The following ARMC1 variants were observed in gnomAD, a reference collection of about 807,000 sequenced individuals.
ARMC1 encodes the protein armadillo repeat-containing protein 1.
Under a neutral mutation model 31.4 loss-of-function variants are expected in ARMC1, and 16 were observed. The observed-to-expected ratio is 0.51, with a 90% CI of 0.34 to 0.77. The LOEUF (loss-of-function observed/expected upper bound fraction) is 0.77, where lower values mean the gene tolerates loss of function less well. Ranked by LOEUF, ARMC1 falls within the 30% of genes least tolerant of loss-of-function variation. The probability of loss-of-function intolerance (pLI) is 0.01; values close to 1 mark genes in which losing one functional copy is unlikely to be tolerated. For missense variants in ARMC1, 259 were observed against 347.5 expected (o/e 0.75, Z 2.02); for synonymous variants, 114 against 118.9 (o/e 0.96, Z 0.27).
intron 2 of ARMC1, among the ~76,000 whole-genome samples, chr8:65,624,178 G>C (rs1482948456): frequency 6.6e-6 from 1 of 151,962 alleles, no homozygotes; most frequent in African/African-American, 2.4e-5. Context: ...AAGAACACCA[G>C]AAATGTAAAA....
chr8:65,615,067 T>C (rs892565055), intron 3 of ARMC1, among the ~76,000 whole-genome samples: 6 of 152,204 alleles, frequency 3.9e-5, no homozygotes, highest in African/African-American at 1.2e-4. Flanking sequence ...TACTTCAATT[T>C]CTGATACTCA....
Position 65,610,708 on chromosome 8 carries a change from T to A in ARMC1, c.465+2536A>T, listed in dbSNP as rs994458403. On this transcript the variant is annotated intron_variant, in intron 4 of 6. Coordinates refer to ENST00000276569, the MANE Select transcript of ARMC1 (RefSeq NM_018120.6). ...AAAACCCCGTCTCAAAAAAAAAAAA[T>A]TTAAAAACCAATGATTTCCAGACAC... is the stretch of plus-strand genomic sequence containing the variant. Among the ~76,000 whole-genome samples the A allele has an allele frequency of 6.6e-5, 10 of 151,754 alleles. No homozygotes were observed. In the South Asian group the frequency reaches 8.3e-4, roughly 13 times the overall value.
intron 3 of ARMC1, among the ~76,000 whole-genome samples, chr8:65,619,645 G>A (rs1355018738): frequency 6.6e-6 from 1 of 151,932 alleles, no homozygotes; most frequent in Non-Finnish European, 1.5e-5. Context: ...CCAGGAGTTC[G>A]AAACCAGTCT....
At chr8:65,631,291 G>A (rs190405996) in intron 1 of ARMC1, among the ~76,000 whole-genome samples, 7 of 152,292 alleles carry the variant, frequency 4.6e-5, no homozygotes, top group East Asian at 1.9e-4. Context: ...CTGGAGTGGC[G>A]TGGTACGATT....
intron 4 of ARMC1, among the ~76,000 whole-genome samples, chr8:65,609,820 T>C (rs1407100187): frequency 1.5e-5 from 2 of 131,234 alleles, no homozygotes; most frequent in Admixed American, 1.8e-4. Flanking sequence ...ATCACGACAC[T>C]GCACTCCAGC....
intron 1 of ARMC1, among the ~76,000 whole-genome samples, chr8:65,632,040 C>T (rs1808656300): frequency 6.6e-6 from 1 of 152,174 alleles, no homozygotes; most frequent in Non-Finnish European, 1.5e-5. Flanking sequence ...CTCTGTTGCC[C>T]AGGCTGGATG....
chr8:65,631,901 G>C (rs1808652682), intron 1 of ARMC1, among the ~76,000 whole-genome samples: 1 of 138,070 alleles, frequency 7.2e-6, no homozygotes, highest in Non-Finnish European at 1.5e-5. Context: ...AAAAAAAAAA[G>C]TCTATCTTCA....
chr8:65,611,363 T>C (rs1808136745), intron 4 of ARMC1, among the ~76,000 whole-genome samples: 1 of 152,204 alleles, frequency 6.6e-6, no homozygotes, highest in Admixed American at 6.5e-5. Context: ...TTAACAATCA[T>C]GTCAAACACC....
intron 3 of ARMC1, among the ~76,000 whole-genome samples, chr8:65,621,909 C>G (rs1487655299): frequency 6.6e-6 from 1 of 152,010 alleles, no homozygotes; most frequent in Non-Finnish European, 1.5e-5. Context: ...TACTTCTTGA[C>G]TAATTTGTAA....
rs924153331 is a variant in ARMC1, at chr8:65,634,092, G to C, written c.-130C>G. The C allele has an allele frequency of 6.6e-6, 1 of 152,408 alleles. No homozygotes were observed. The highest frequency in any genetic ancestry group is 1.5e-5 in the Non-Finnish European group (1 of 68,166). The allele number at this position is 152,408 out of a possible 1,614,324, so 9.4% of individuals were successfully genotyped here. A position where few individuals can be genotyped will look rare whatever the true frequency, so the allele number is the denominator to read the frequency against. On this transcript the variant is annotated 5_prime_UTR_variant, in exon 1 of 7. Coordinates refer to ENST00000276569, the MANE Select transcript of ARMC1 (RefSeq NM_018120.6). ...CCAGGCGGCGCGGAGCGAGCCCTTC[G>C]GTTCGCAGCCCCGGCCGCGGCGATC...
chr8:65,603,829 T>C lies in ARMC1; in HGVS notation c.*565A>G, dbSNP rs1807944021. On this transcript the variant is annotated 3_prime_UTR_variant, in exon 7 of 7. Transcript: ENST00000276569. ...GGGACTACTGTGTTCAAATGAATGT[T>C]TTTAATCTGCAAAATGTCATTAGTA... The C allele has an allele frequency of 6.6e-6, 1 of 152,660 alleles. No individual in the cohort carries two copies. The highest frequency in any genetic ancestry group is 6.5e-5 in the Admixed American group (1 of 15,280). 9.5% of individuals were successfully genotyped at this position (152,660 alleles called of 1,614,324 possible). A position where few individuals can be genotyped will look rare whatever the true frequency, so the allele number is the denominator to read the frequency against.
chr8:65,608,390 G>A (rs923581192), intron 4 of ARMC1, among the ~76,000 whole-genome samples: 28 of 152,076 alleles, frequency 1.8e-4, no homozygotes, highest in Admixed American at 7.9e-4. Flanking sequence ...TTAGCGGGGC[G>A]TGGTGGTGGG....
chr8:65,604,512 T>C lies in ARMC1; in HGVS notation c.731A>G (p.Asp244Gly). Residue 244 changes from aspartate to glycine, a missense_variant, in exon 7 of 7, where the codon GAT becomes GGT. Around this residue, in one of 3 missense-constraint regions of ARMC1, gnomAD observed 73 missense variants for 100.0 expected, o/e 0.73. Transcript: ENST00000276569. ...NTELPDYLPE[D>G]ESPTKEQDKA... is the part of the protein sequence containing the mutation. ...GTCCTGTTCCTTTGTGGGACTCTCA[T>C]CCTCAGGCAGGTAGTCAGGTAGCTC... The C allele has an allele frequency of 1.9e-6, 3 of 1,614,112 alleles. No individual in the cohort carries two copies. The highest frequency in any genetic ancestry group is 2.5e-6 in the Non-Finnish European group (3 of 1,180,032).
At chr8:65,621,744 A>G (rs1808398512) in intron 3 of ARMC1, among the ~76,000 whole-genome samples, 1 of 152,218 alleles carries the variant, frequency 6.6e-6, no homozygotes, top group South Asian at 2.1e-4. Context: ...CCTGGCCACA[A>G]GTGATCCGTC....
intron 3 of ARMC1, 102 bp downstream of exon 3, chr8:65,622,161 G>T: frequency 1.2e-6 from 1 of 851,682 alleles, no homozygotes; most frequent in Non-Finnish European, 1.9e-6. Context: ...AAGCCAAGGT[G>T]GAAGGATCGC....
chr8:65,608,357 T>C (rs1469461825), intron 4 of ARMC1, among the ~76,000 whole-genome samples: 1 of 152,084 alleles, frequency 6.6e-6, no homozygotes, highest in Non-Finnish European at 1.5e-5. Context: ...CAAAACCCTG[T>C]CTCTACTAAA....
At chr8:65,607,609 A>G (rs1418031308) in intron 4 of ARMC1, among the ~76,000 whole-genome samples, 1 of 152,202 alleles carries the variant, frequency 6.6e-6, no homozygotes, top group Non-Finnish European at 1.5e-5. Context: ...TCATCGCTGT[A>G]TCCCTGGTAT....
intron 1 of ARMC1, among the ~76,000 whole-genome samples, 192 bp from the exon 2 acceptor site, chr8:65,627,625 G>A (rs1808543015): frequency 6.6e-6 from 1 of 152,130 alleles, no homozygotes; most frequent in South Asian, 2.1e-4. Context: ...AAATTTGTGT[G>A]CACAATGTTT....
At chr8:65,628,810 T>C (rs1279184412) in intron 1 of ARMC1, among the ~76,000 whole-genome samples, 2 of 150,580 alleles carry the variant, frequency 1.3e-5, no homozygotes, top group African/African-American at 2.4e-5. Flanking sequence ...TGAGCTGAGA[T>C]TGTGCCACTG....
Sources: gnomAD v4.1 joint callset for allele counts (sites outside exome capture counted in the v4.1 genomes callset) on GRCh38, gnomAD v4.1.1 for gene constraint, gnomAD v4.1.1 regional missense constraint, MANE v1.5 for transcripts, NCBI Gene and HGNC (gene_info 2026-07-23, HGNC 2026-07-21) for gene names.